The following C10orf67 variants were observed in gnomAD, a reference collection of about 807,000 sequenced individuals.
The protein encoded by C10orf67 is uncharacterized protein C10orf67, mitochondrial.
C10orf67 carries 60 observed loss-of-function variants against 35.6 expected under a neutral mutation model. That is an observed-to-expected ratio of 1.68 (90% CI 1.37 to 2.09). C10orf67 has a LOEUF of 2.09. C10orf67 is among the 30% of genes most tolerant of loss of function. The pLI is 0.00. For synonymous variants in C10orf67, 167 were observed against 115.8 expected, an observed-to-expected ratio of 1.44 and a Z score of -2.84; for missense variants, 474 against 330.2, an observed-to-expected ratio of 1.44 and a Z score of -3.38.
At chr10:23,289,275 T>G (rs746296665) in intron 7 of C10orf67, among the ~76,000 whole-genome samples, 1 of 152,154 alleles carries the variant, frequency 6.6e-6, no homozygotes, top group Non-Finnish European at 1.5e-5. Flanking sequence ...ACAATCCTCC[T>G]ACTTCAGCAT....
At chr10:23,288,943 A>G (rs1773904554) in intron 7 of C10orf67, among the ~76,000 whole-genome samples, 1 of 152,168 alleles carries the variant, frequency 6.6e-6, no homozygotes, top group Non-Finnish European at 1.5e-5. Context: ...CTCCCCACTA[A>G]GAGACCAGAT....
At chr10:23,284,469 G>C (rs1367201163) in intron 7 of C10orf67, among the ~76,000 whole-genome samples, 3 of 151,392 alleles carry the variant, frequency 2.0e-5, no homozygotes, top group African/African-American at 7.3e-5. Context: ...GATCCCTTGA[G>C]CCCAGGAGTT....
At chr10:23,297,277 A>C (rs1588665189) in intron 5 of C10orf67, among the ~76,000 whole-genome samples, 3 of 101,528 alleles carry the variant, frequency 3.0e-5, no homozygotes, top group East Asian at 2.8e-4. Context: ...CTTTCTGATG[A>C]CCCCACCAGT....
intron 7 of C10orf67, among the ~76,000 whole-genome samples, chr10:23,284,921 AC>A (rs1456857895): frequency 2.1e-4 from 32 of 152,316 alleles, no homozygotes; most frequent in African/African-American, 7.7e-4. Flanking sequence ...TCCAGAAGGG[AC>A]CATAGGTATA....
chr10:23,248,440 C>T (rs2132153768), intron 12 of C10orf67, among the ~76,000 whole-genome samples: 1 of 152,282 alleles, frequency 6.6e-6, no homozygotes. Context: ...GAAATAAGAA[C>T]TCGGCAGAGA....
intron 5 of C10orf67, among the ~76,000 whole-genome samples, chr10:23,300,263 T>A (rs1844027434): frequency 1.3e-5 from 2 of 152,152 alleles, no homozygotes; most frequent in Non-Finnish European, 2.9e-5. Context: ...TTTTAAAGTG[T>A]CCTTATAGAC....
At chr10:23,314,099 G>A (rs906309969) in intron 4 of C10orf67, among the ~76,000 whole-genome samples, 2 of 152,090 alleles carry the variant, frequency 1.3e-5, no homozygotes, top group Non-Finnish European at 2.9e-5. Flanking sequence ...GAGATGGGAC[G>A]GTTGCTTGAG....
At chr10:23,304,766 C>A (rs996937841) in intron 4 of C10orf67, among the ~76,000 whole-genome samples, 1 of 152,128 alleles carries the variant, frequency 6.6e-6, no homozygotes, top group Non-Finnish European at 1.5e-5. Context: ...TGAAGGAATA[C>A]ACACTCATCT....
At chr10:23,246,786 C>T (rs150752869) in intron 12 of C10orf67, among the ~76,000 whole-genome samples, 10 of 152,024 alleles carry the variant, frequency 6.6e-5, no homozygotes, top group African/African-American at 2.4e-4. Context: ...AAGAAAAAAA[C>T]ACAGACAAAA....
rs183267523 is a variant in C10orf67, at chr10:23,251,957, G to A, written c.1201-1266C>T. Among the ~76,000 whole-genome samples, 4 of 152,158 alleles carry A rather than the reference G, an allele frequency of 2.6e-5. No homozygotes were observed. In the East Asian group the frequency reaches 7.7e-4, roughly 29 times the overall value. ...TGTCTTATATAATTTAGATAATTCA[G>A]TATTTATACATATAATTTGCAATTG... On this transcript the variant is annotated intron_variant, in intron 10 of 15. Coordinates refer to ENST00000636213, the MANE Select transcript of C10orf67 (RefSeq NM_001371909.1).
At chr10:23,221,552 T>C (rs1841581219) in intron 15 of C10orf67, among the ~76,000 whole-genome samples, 1 of 152,228 alleles carries the variant, frequency 6.6e-6, no homozygotes, top group South Asian at 2.1e-4. Flanking sequence ...TTGGTGAAGA[T>C]TAGCAATAAT....
At chr10:23,343,808 C>A (rs906536237) in intron 1 of C10orf67, 79 of 368,968 alleles carry the variant, frequency 2.1e-4, no homozygotes, top group African/African-American at 1.6e-3. Flanking sequence ...AACTGAAGCC[C>A]AGCGGCTGGA....
intron 15 of C10orf67, among the ~76,000 whole-genome samples, chr10:23,206,964 A>C (rs1332110680): frequency 6.6e-6 from 1 of 152,230 alleles, no homozygotes; most frequent in Non-Finnish European, 1.5e-5. Flanking sequence ...AGCAGAATCT[A>C]TCTTAAATGT....
At position 23,335,904 on chromosome 10, in the gene C10orf67, A is replaced by C. The variant is rs141479380; in HGVS notation, c.207-2722T>G. ...CCTCAGCCTAGGATTAAGTCTCCCC[A>C]CAGTTGTACCTATCAAAATCATATG... On this transcript the variant is annotated intron_variant, in intron 1 of 15. Coordinates refer to ENST00000636213, the MANE Select transcript of C10orf67 (RefSeq NM_001371909.1). Among the ~76,000 whole-genome samples, 454 of 152,242 alleles carry C rather than the reference A, an allele frequency of 3.0e-3. 1 individual carries two copies. The highest frequency in any genetic ancestry group is 0.014 in the Middle Eastern group (4 of 294).
intron 4 of C10orf67, among the ~76,000 whole-genome samples, chr10:23,314,408 G>T (rs1332988208): frequency 6.6e-6 from 1 of 151,780 alleles, no homozygotes; most frequent in African/African-American, 2.4e-5. Context: ...GATCACTTGA[G>T]GCCAGGAGTT....
intron 15 of C10orf67, among the ~76,000 whole-genome samples, chr10:23,214,819 T>C (rs1191490699): frequency 6.6e-6 from 1 of 152,130 alleles, no homozygotes; most frequent in Non-Finnish European, 1.5e-5. Context: ...TGTCAGGAGT[T>C]CGACACCAGC....
At chr10:23,294,575 C>T (rs1843822083) in intron 5 of C10orf67, among the ~76,000 whole-genome samples, 1 of 152,168 alleles carries the variant, frequency 6.6e-6, no homozygotes, top group Admixed American at 6.5e-5. Context: ...AATGAAGTTG[C>T]TCTTGGGAAA....
At chr10:23,239,694 G>A in intron 13 of C10orf67, 35 bp downstream of exon 13, 2 of 617,568 alleles carry the variant, frequency 3.2e-6, no homozygotes, top group African/African-American at 1.8e-5. Context: ...TATATTCAAA[G>A]AGACAAACAG....
intron 7 of C10orf67, among the ~76,000 whole-genome samples, chr10:23,289,504 C>T (rs953713554): frequency 1.2e-4 from 18 of 152,180 alleles, no homozygotes; most frequent in Non-Finnish European, 2.1e-4. Context: ...GAATTCCCTG[C>T]TCTAAATATT....
Sources: allele counts gnomAD v4.1 joint callset (sites outside exome capture counted in the v4.1 genomes callset), GRCh38; gene constraint gnomAD v4.1.1; transcripts MANE v1.5; gene names NCBI Gene and HGNC (gene_info 2026-07-23, HGNC 2026-07-21).